The following EPHB2 variants were observed in gnomAD, a reference collection of about 807,000 sequenced individuals.
EPHB2 encodes ephrin type-B receptor 2.
Under a neutral mutation model 96.4 loss-of-function variants are expected in EPHB2, and 18 were observed. The observed-to-expected ratio is 0.19, with a 90% CI of 0.13 to 0.28. EPHB2 has a LOEUF of 0.28. Among genes scored for constraint, EPHB2 ranks in the 10% least tolerant of loss-of-function variants. The pLI, the probability that EPHB2 is intolerant of heterozygous loss-of-function variation, is 1.00. For synonymous variants in EPHB2, 506 were observed against 534.1 expected (o/e 0.95, Z 0.72); for missense variants, 989 against 1,355.4 (o/e 0.73, Z 4.25).
At chr1:22,711,212 C>G (rs1052822763) in intron 1 of EPHB2, among the ~76,000 whole-genome samples, 169 bp downstream of exon 1, 1 of 146,388 alleles carries the variant, frequency 6.8e-6, no homozygotes, top group Non-Finnish European at 1.5e-5. Flanking sequence ...GAGCGGGCCC[C>G]GCGGGCGCCC....
At chr1:22,774,980 T>C (rs1180259476) in intron 1 of EPHB2, among the ~76,000 whole-genome samples, 1 of 152,218 alleles carries the variant, frequency 6.6e-6, no homozygotes, top group African/African-American at 2.4e-5. Context: ...ATTCCTGCAA[T>C]TGTACACTAG....
intron 1 of EPHB2, among the ~76,000 whole-genome samples, chr1:22,726,644 A>G (rs1268677649): frequency 6.6e-6 from 1 of 150,974 alleles, no homozygotes; most frequent in East Asian, 2.0e-4. Context: ...CTGGTCTTGA[A>G]CTCCTGACTT....
chr1:22,913,304 C>T lies in EPHB2; in HGVS notation c.2853-158C>T. ...GCTCTTCCACCTCACACCATAGTCG[C>T]TCCCTCCAGCTGTGGCTGCCTGCCC... On this transcript the variant is annotated intron_variant, in intron 15 of 15. Coordinates refer to ENST00000374630, the MANE Select transcript of EPHB2 (RefSeq NM_017449.5). This position sits in a 1 kb window ranked among gnomAD's most constrained non-coding sequence, Gnocchi z 4.1. 1.1e-6 allele frequency: 1 copy of T among 901,084 alleles called. No homozygotes were observed. 55.8% of individuals were successfully genotyped at this position (901,084 alleles called of 1,614,324 possible).
chr1:22,816,622 C>T (rs1645078720), intron 3 of EPHB2, among the ~76,000 whole-genome samples: 1 of 152,214 alleles, frequency 6.6e-6, no homozygotes, highest in South Asian at 2.1e-4. Context: ...AGCCTCCACC[C>T]TGTCTCACGT....
intron 3 of EPHB2, among the ~76,000 whole-genome samples, chr1:22,797,441 G>A (rs2148442501): frequency 6.6e-6 from 1 of 152,174 alleles, no homozygotes; most frequent in South Asian, 2.1e-4. Context: ...CTCGCTCTGA[G>A]CCCTTTGTGG....
intron 1 of EPHB2, among the ~76,000 whole-genome samples, chr1:22,766,997 G>A (rs1644316288): frequency 6.6e-6 from 1 of 152,218 alleles, no homozygotes; most frequent in Admixed American, 6.5e-5. Flanking sequence ...CAGCAGCTTG[G>A]GAGGCTTCTG....
chr1:22,824,863 C>T (rs1275590904), intron 3 of EPHB2, among the ~76,000 whole-genome samples: 1 of 152,242 alleles, frequency 6.6e-6, no homozygotes, highest in Admixed American at 6.5e-5. Flanking sequence ...GTGGCCAGGG[C>T]AGGGTGGGTT....
In EPHB2 at chr1:22,784,663, A is replaced by C; in HGVS notation, c.398A>C (p.Asn133Thr). ...ATKTFPNWME[N>T]PWVKVDTIAA... ...AAGACCTTCCCCAACTGGATGGAGAATCCATGGGTGAAGGTGGATACCATT... is the reference window on the plus strand; with the variant it reads ...AAGACCTTCCCCAACTGGATGGAGACTCCATGGGTGAAGGTGGATACCATT... Residue 133 changes from asparagine to threonine, a missense_variant, in exon 3 of 16, where the codon AAT (asparagine) becomes ACT (threonine). Physicochemically the swap from Asn to Thr is moderately conservative, Grantham distance 65. Transcript: ENST00000374630. The surrounding 1 kb of genome is among the most constrained non-coding windows in gnomAD (Gnocchi z 5.1). The C allele has an allele frequency of 2.5e-6, 4 of 1,614,078 alleles. No individual in the cohort carries two copies. The highest frequency in any genetic ancestry group is 3.4e-6 in the Non-Finnish European group (4 of 1,180,030).
chr1:22,902,572 A>G (rs951141331), intron 9 of EPHB2, among the ~76,000 whole-genome samples: 5 of 152,216 alleles, frequency 3.3e-5, no homozygotes, highest in African/African-American at 4.8e-5. Flanking sequence ...TCTCAAAGAC[A>G]TTCAAGACAC....
chr1:22,879,197 C>T (rs768377011), intron 5 of EPHB2, among the ~76,000 whole-genome samples: 1 of 60,230 alleles, frequency 1.7e-5, no homozygotes, highest in Non-Finnish European at 4.7e-5. Context: ...CCCTGTCGCA[C>T]CCCCACCTCC....
chr1:22,759,844 C>T (rs1188426662), intron 1 of EPHB2, among the ~76,000 whole-genome samples: 2 of 152,190 alleles, frequency 1.3e-5, no homozygotes, highest in Non-Finnish European at 2.9e-5. Flanking sequence ...GATTCTCTCA[C>T]CACAGCCACA....
At chr1:22,792,769 C>T (rs984542325) in intron 3 of EPHB2, among the ~76,000 whole-genome samples, 4 of 152,214 alleles carry the variant, frequency 2.6e-5, no homozygotes, top group African/African-American at 9.7e-5. Flanking sequence ...ATGATGACCC[C>T]TGCCCCCAAG....
At chr1:22,822,060 A>T (rs1233196419) in intron 3 of EPHB2, among the ~76,000 whole-genome samples, 1 of 152,252 alleles carries the variant, frequency 6.6e-6, no homozygotes, top group Non-Finnish European at 1.5e-5. Context: ...TTACAGTGCT[A>T]CAATAAATGT....
At chr1:22,839,465 G>C (rs1053928217) in intron 3 of EPHB2, among the ~76,000 whole-genome samples, 10 of 152,292 alleles carry the variant, frequency 6.6e-5, no homozygotes, top group Middle Eastern at 3.4e-3. Flanking sequence ...CTCAAAGTCT[G>C]GGGGAGAAGA....
In EPHB2 at chr1:22,913,742, T is replaced by C; in HGVS notation, c.*172T>C. ...AGACGTCACCAAGAAAACATGCAAC[T>C]CAAACGACGGAAAAAAAAAGGGAAT... On this transcript the variant is annotated 3_prime_UTR_variant, in exon 16 of 16. Coordinates refer to ENST00000374630, the MANE Select transcript of EPHB2 (RefSeq NM_017449.5). The surrounding 1 kb of genome is among the most constrained non-coding windows in gnomAD (Gnocchi z 4.1). The C allele has an allele frequency of 6.3e-7, 1 of 1,598,994 alleles. No homozygotes were observed. The highest frequency in any genetic ancestry group is 1.7e-4 in the Middle Eastern group (1 of 6,044).
chr1:22,796,523 C>T (rs1644769030), intron 3 of EPHB2, among the ~76,000 whole-genome samples: 2 of 152,236 alleles, frequency 1.3e-5, no homozygotes, highest in South Asian at 4.1e-4. Context: ...TTCCATCTCA[C>T]TTGCAATCCG....
intron 3 of EPHB2, among the ~76,000 whole-genome samples, chr1:22,819,806 C>A (rs1387433261): frequency 9.3e-6 from 1 of 107,070 alleles, no homozygotes; most frequent in African/African-American, 3.5e-5. Context: ...TGGATTACTA[C>A]AAATTGATGA....
At chr1:22,889,097 A>G (rs531039714) in intron 6 of EPHB2, among the ~76,000 whole-genome samples, 2 of 152,200 alleles carry the variant, frequency 1.3e-5, no homozygotes, top group East Asian at 3.9e-4. Context: ...CGAGGCTGCA[A>G]TGGGCCATAA....
intron 1 of EPHB2, among the ~76,000 whole-genome samples, chr1:22,755,015 G>A (rs187911812): frequency 1.1e-3 from 173 of 151,366 alleles, no homozygotes; most frequent in East Asian, 9.2e-3. Context: ...TAGGCCCTGA[G>A]CCCGAGGCCC....
Sources: gnomAD v4.1 joint callset for allele counts (sites outside exome capture counted in the v4.1 genomes callset) on GRCh38, gnomAD v4.1.1 for gene constraint, Gnocchi (gnomAD v3.1) non-coding constraint, MANE v1.5 for transcripts, NCBI Gene and HGNC (gene_info 2026-07-23, HGNC 2026-07-21) for gene names.